Variants in LMTK3 observed in about 807,000 individuals in gnomAD.
LMTK3 encodes lemur tail kinase 3.
Under a neutral mutation model 116.7 loss-of-function variants are expected in LMTK3, and 27 were observed. The observed-to-expected ratio is 0.23, with a 90% CI of 0.17 to 0.32. LMTK3 has a LOEUF of 0.32. Ranked by LOEUF, LMTK3 falls within the 10% of genes least tolerant of loss-of-function variation. The pLI is 1.00. For missense variants in LMTK3, 1,764 were observed against 2,068.5 expected, an observed-to-expected ratio of 0.85 and a Z score of 2.86; for synonymous variants, 965 against 971.0, an observed-to-expected ratio of 0.99 and a Z score of 0.11.
In LMTK3 at chr19:48,499,901, A is replaced by G; in HGVS notation, c.1168T>C (p.Ser390Pro). The change falls in exon 11 of 15, where the codon TCC (serine) becomes CCC (proline). Residue 390 changes from serine to proline, a missense_variant. Around this residue, in one of 7 missense-constraint regions of LMTK3, gnomAD observed 271 missense variants for 478.2 expected, o/e 0.57. Coordinates refer to ENST00000600059, the MANE Select transcript of LMTK3 (RefSeq NM_001388485.1). Reference sequence around the variant, plus strand: ...CGCTGGGCAGGTGGCCGCCAGCAGGACTGAAGAATGTCATACCTGGGGAGA... The same window carrying G: ...CGCTGGGCAGGTGGCCGCCAGCAGGGCTGAAGAATGTCATACCTGGGGAGA... ...YADYWYDILQ[S>P]CWRPPAQRPS... The G allele has an allele frequency of 6.3e-7, 1 of 1,594,628 alleles. No individual in the cohort carries two copies. Among genetic ancestry groups the G allele is most frequent in the Admixed American group, 1.8e-5 (1 of 57,086 alleles).
rs1412988491 is a variant in LMTK3, at chr19:48,498,752, G to A, written c.2317C>T (p.Pro773Ser). Residue 773 changes from proline (P) to serine (S), a missense_variant, in exon 11 of 15, where the codon CCT becomes TCT. Around this residue, in one of 7 missense-constraint regions of LMTK3, gnomAD observed 1,028 missense variants for 1,050.6 expected, o/e 0.98. Coordinates refer to ENST00000600059, the MANE Select transcript of LMTK3 (RefSeq NM_001388485.1). The part of the protein sequence containing the change: ...PADPAASPDP[P>S]SAVASPGSGL... ...GAACCGGGACTGGCCACGGCCGAAGGGGGGTCGGGGGACGCGGCCGGGTCC... is the reference window on the plus strand; with the variant it reads ...GAACCGGGACTGGCCACGGCCGAAGAGGGGTCGGGGGACGCGGCCGGGTCC... The A allele has an allele frequency of 1.3e-6, 2 of 1,507,652 alleles. No homozygotes were observed. Among genetic ancestry groups the A allele is most frequent in the Non-Finnish European group, 8.8e-7 (1 of 1,134,202 alleles). The allele number at this position is 1,507,652 out of a possible 1,614,324, so 93.4% of individuals were successfully genotyped here.
chr19:48,510,664 C>G, intron 1 of LMTK3, 72 bp from the exon 2 acceptor site: 4 of 1,456,934 alleles, frequency 2.7e-6, no homozygotes, highest in Non-Finnish European at 1.8e-6. Context: ...CCCTCCCGTC[C>G]CGGCACGTCT....
rs867311852 is a variant in LMTK3, at chr19:48,491,200, G to A, written c.4274C>T (p.Pro1425Leu). 1 of 1,403,114 alleles carries A rather than the reference G, an allele frequency of 7.1e-7. No homozygotes were observed. Among genetic ancestry groups the A allele is most frequent in the South Asian group, 1.7e-5 (1 of 59,380 alleles). 86.9% of individuals were successfully genotyped at this position (1,403,114 alleles called of 1,614,324 possible). Residue 1425 changes from proline (P) to leucine (L), a missense_variant, in exon 14 of 15, where the codon CCA becomes CTA. Pro to Leu is a moderately conservative substitution (Grantham distance 98). This residue lies in a region of LMTK3 where 281 missense variants were observed against 301.4 expected (regional missense o/e 0.93). Transcript: ENST00000600059. The surrounding 1 kb of genome is among the most constrained non-coding windows in gnomAD (Gnocchi z 5.1). ...WAEDFPLLPP[P>L]GPPLCFSRFS... ...GCGGGAGAAGCACAGCGGGGGGCCT[G>A]GAGGGGGGAGGAGGGGGAAATCCTC...
chr19:48,502,094 C>T (rs1972479827), intron 7 of LMTK3, among the ~76,000 whole-genome samples: 1 of 109,452 alleles, frequency 9.1e-6, no homozygotes, highest in South Asian at 4.2e-4. Flanking sequence ...CCTGGCTCCT[C>T]CTCCCCCTCT....
intron 11 of LMTK3, among the ~76,000 whole-genome samples, chr19:48,496,296 C>CTTTTTTTTTTTTTTTTTTTTTTT (rs1365263028): frequency 7.0e-6 from 1 of 142,204 alleles, no homozygotes. Context: ...TTTTCTTTTT[C>CTTTTTTTTTTTTTTTTTTTTTTT]TTTTCTTTTT....
chr19:48,492,262 C>G (rs1035823169), intron 12 of LMTK3, among the ~76,000 whole-genome samples: 2 of 152,204 alleles, frequency 1.3e-5, no homozygotes, highest in Non-Finnish European at 2.9e-5. Context: ...GATCATGGCT[C>G]AATGCAGCCT....
In LMTK3 at chr19:48,497,004, C is replaced by T. The variant is rs1972340070; in HGVS notation, c.3676+389G>A. Among the ~76,000 whole-genome samples the T allele has an allele frequency of 3.3e-5, 5 of 152,222 alleles. No homozygotes were observed. The highest frequency in any genetic ancestry group is 2.9e-5 in the Non-Finnish European group (2 of 68,042). On this transcript the variant is annotated intron_variant, in intron 11 of 14. Transcript: ENST00000600059. This position sits in a 1 kb window ranked among gnomAD's most constrained non-coding sequence, Gnocchi z 5.7. ...GCATGCTTCATCCGTTTCCCTATGT[C>T]GTCTGGCCCCTGTGGGCATGAGTTT...
At chr19:48,507,744 G>A (rs1040152141) in intron 5 of LMTK3, among the ~76,000 whole-genome samples, 6 of 152,168 alleles carry the variant, frequency 3.9e-5, no homozygotes, top group Middle Eastern at 3.4e-3. Context: ...CCAAAGTGCC[G>A]GGACTACACG....
At position 48,499,719 on chromosome 19, in the gene LMTK3, C is replaced by A. The variant is rs1425045804; in HGVS notation, c.1350G>T (p.Pro450=). 1 of 1,337,756 alleles carries A rather than the reference C, an allele frequency of 7.5e-7. No homozygotes were observed. Among genetic ancestry groups the A allele is most frequent in the Admixed American group, 2.5e-5 (1 of 39,598 alleles). The allele number at this position is 1,337,756 out of a possible 1,614,324, so 82.9% of individuals were successfully genotyped here. ...SAPRPGTLSS[P]FPLLDGFPGA... ...CAGGGAAGCCATCCAGTAGGGGGAACGGTGAGGAGAGGGTCCCCGGGCGGG... is the reference window on the plus strand; with the variant it reads ...CAGGGAAGCCATCCAGTAGGGGGAAAGGTGAGGAGAGGGTCCCCGGGCGGG... The change falls in exon 11 of 15, where the codon CCG becomes CCT. Residue 450 remains proline (P), a synonymous_variant. Coordinates refer to ENST00000600059, the MANE Select transcript of LMTK3 (RefSeq NM_001388485.1).
In LMTK3 at chr19:48,491,206, G is replaced by A. The variant is rs1972215497; in HGVS notation, c.4268C>T (p.Pro1423Leu). Residue 1423 changes from proline (P) to leucine (L), a missense_variant, in exon 14 of 15, where the codon CCC becomes CTC. Physicochemically the swap from Pro to Leu is moderately conservative, Grantham distance 98. Transcript: ENST00000600059. The surrounding 1 kb of genome is among the most constrained non-coding windows in gnomAD (Gnocchi z 5.1). Reference sequence around the variant, plus strand: ...GAAGCACAGCGGGGGGCCTGGAGGGGGGAGGAGGGGGAAATCCTCCGCCCA... The same window carrying A: ...GAAGCACAGCGGGGGGCCTGGAGGGAGGAGGAGGGGGAAATCCTCCGCCCA... ...FEWAEDFPLL[P>L]PPGPPLCFSR... The A allele has an allele frequency of 5.0e-6, 7 of 1,407,514 alleles. No homozygotes were observed. Among genetic ancestry groups the A allele is most frequent in the South Asian group, 3.3e-5 (2 of 60,460 alleles). 87.2% of individuals were successfully genotyped at this position (1,407,514 alleles called of 1,614,324 possible).
At chr19:48,490,285 A>G (rs1170439321) in intron 14 of LMTK3, among the ~76,000 whole-genome samples, 3 of 152,102 alleles carry the variant, frequency 2.0e-5, no homozygotes. Context: ...GCACTTTGGG[A>G]GGCCGAGGTG....
chr19:48,491,252 C>G lies in LMTK3; in HGVS notation c.4229-7G>C. On this transcript the variant is annotated splice_polypyrimidine_tract_variant and splice_region_variant and intron_variant, in intron 13 of 14. Transcript: ENST00000600059. This position sits in a 1 kb window ranked among gnomAD's most constrained non-coding sequence, Gnocchi z 5.1. ...GCCCACTCGAAACTGCCTCCTGCGG[C>G]AGAAGGAAAGACCGCGGTCAGGCTG... The G allele has an allele frequency of 7.1e-7, 1 of 1,400,554 alleles. No individual in the cohort carries two copies. The highest frequency in any genetic ancestry group is 9.3e-7 in the Non-Finnish European group (1 of 1,074,372). 86.8% of individuals were successfully genotyped at this position (1,400,554 alleles called of 1,614,324 possible).
At chr19:48,504,811 G>C (rs1972535903) in intron 5 of LMTK3, among the ~76,000 whole-genome samples, 1 of 152,064 alleles carries the variant, frequency 6.6e-6, no homozygotes, top group African/African-American at 2.4e-5. Context: ...GCCTCCCGAA[G>C]TGCTGGGATT....
At position 48,485,685 on chromosome 19, in the gene LMTK3, G is replaced by T; in HGVS notation, c.*88C>A. ...GGGGGCCTCCCCAGAGGCGGCGTCT[G>T]CGGTGGTGGCAGTGGCGCCGTCATC... is the stretch of plus-strand genomic sequence containing the variant. On this transcript the variant is annotated 3_prime_UTR_variant, in exon 15 of 15. Transcript: ENST00000600059. The T allele has an allele frequency of 6.9e-7, 1 of 1,443,740 alleles. No homozygotes were observed. The highest frequency in any genetic ancestry group is 9.6e-7 in the Non-Finnish European group (1 of 1,045,262). The allele number at this position is 1,443,740 out of a possible 1,614,324, so 89.4% of individuals were successfully genotyped here. A position where few individuals can be genotyped will look rare whatever the true frequency, so the allele number is the denominator to read the frequency against.
rs1482907427 is a variant in LMTK3 at position 48,485,770 on chromosome 19, G to A, written c.*3C>T. 1 of 1,610,770 alleles carries A rather than the reference G, an allele frequency of 6.2e-7. No homozygotes were observed. The highest frequency in any genetic ancestry group is 8.5e-7 in the Non-Finnish European group (1 of 1,178,728). Reference sequence around the variant, plus strand: ...GGTGCAGCGGGGTCGGGTCTTCGGGGAATCAATTCTCCACGGGGCCTGAGG... The same window carrying A: ...GGTGCAGCGGGGTCGGGTCTTCGGGAAATCAATTCTCCACGGGGCCTGAGG... On this transcript the variant is annotated 3_prime_UTR_variant, in exon 15 of 15. Coordinates refer to ENST00000600059, the MANE Select transcript of LMTK3 (RefSeq NM_001388485.1).
In LMTK3 at chr19:48,498,423, G is replaced by C. The variant is rs1569103001; in HGVS notation, c.2646C>G (p.Ala882=). ...CCGCCTTCCTGGGTCCTGTCTCCCG[G>C]GCTGTCGCCCCCTTCTCCCCCAGGA... ...RNLLGEKGAT[A]RETGPRKAGR... Residue 882 remains alanine (A), a synonymous_variant, in exon 11 of 15, where the codon GCC becomes GCG. Coordinates refer to ENST00000600059, the MANE Select transcript of LMTK3 (RefSeq NM_001388485.1). The C allele has an allele frequency of 6.2e-7, 1 of 1,607,684 alleles. No homozygotes were observed. Among genetic ancestry groups the C allele is most frequent in the Admixed American group, 1.7e-5 (1 of 59,092 alleles).
At position 48,501,380 on chromosome 19, in the gene LMTK3, G is replaced by A. The variant is rs1300807753; in HGVS notation, c.904C>T (p.Arg302Cys). 6.2e-7 allele frequency: 1 copy of A among 1,613,030 alleles called. No individual in the cohort carries two copies. The highest frequency in any genetic ancestry group is 8.5e-7 in the Non-Finnish European group (1 of 1,179,732). The change falls in exon 9 of 15, where the codon CGC becomes TGC. Residue 302 changes from arginine (R) to cysteine (C), a missense_variant. Transcript: ENST00000600059. ...GCCCAGCGCAGTGGGATCCACAGGC[G>A]CTCTGGGGTCAGGTAGTAGTCCTCC... ...YKEDYYLTPE[R>C]LWIPLRWAAP...
At position 48,485,636 on chromosome 19, in the gene LMTK3, G is replaced by A; in HGVS notation, c.*137C>T. 1 of 946,336 alleles carries A rather than the reference G, an allele frequency of 1.1e-6. No homozygotes were observed. Among genetic ancestry groups the A allele is most frequent in the Non-Finnish European group, 1.6e-6 (1 of 614,922 alleles). The allele number at this position is 946,336 out of a possible 1,614,324, so 58.6% of individuals were successfully genotyped here. ...CTCCCGTTTGGCACATGGTAGGGGA[G>A]TGGGAGGGGGAGGGCCCAGCCTCGG... On this transcript the variant is annotated 3_prime_UTR_variant, in exon 15 of 15. Coordinates refer to ENST00000600059, the MANE Select transcript of LMTK3 (RefSeq NM_001388485.1).
intron 12 of LMTK3, among the ~76,000 whole-genome samples, chr19:48,492,347 C>T: frequency 6.6e-6 from 1 of 152,184 alleles, no homozygotes; most frequent in East Asian, 1.9e-4. Context: ...CACCACCACA[C>T]CAAGATAATT....
Sources: gnomAD v4.1 joint callset for allele counts (sites outside exome capture counted in the v4.1 genomes callset) on GRCh38, gnomAD v4.1.1 for gene constraint, gnomAD v4.1.1 regional missense constraint, Gnocchi (gnomAD v3.1) non-coding constraint, MANE v1.5 for transcripts, NCBI Gene and HGNC (gene_info 2026-07-23, HGNC 2026-07-21) for gene names.